Variants in TTC1 observed in about 807,000 individuals in gnomAD.
The protein encoded by TTC1 is tetratricopeptide repeat domain 1.
In TTC1, 31 loss-of-function variants were observed where a neutral mutation model predicts 37.6. The ratio of observed to expected loss-of-function variants is 0.82; its 90% confidence interval spans 0.62 to 1.11. The LOEUF (loss-of-function observed/expected upper bound fraction) is 1.11, where lower values mean the gene tolerates loss of function less well. Ranked by LOEUF, TTC1 falls within the 50% of genes most tolerant of loss-of-function variation. The probability of loss-of-function intolerance (pLI) is 0.00; values close to 1 mark genes in which losing one functional copy is unlikely to be tolerated. For missense variants in TTC1, 351 were observed against 339.0 expected, an observed-to-expected ratio of 1.04 and a Z score of -0.28; for synonymous variants, 127 against 122.4, an observed-to-expected ratio of 1.04 and a Z score of -0.25.
intron 4 of TTC1, among the ~76,000 whole-genome samples, chr5:160,040,434 A>T (rs60201018): frequency 0.081 from 12,377 of 152,174 alleles, 694 homozygotes; most frequent in Admixed American, 0.18. Flanking sequence ...CACTAAATTT[A>T]TTTTTTTAAT....
intron 2 of TTC1, among the ~76,000 whole-genome samples, chr5:160,027,623 A>G (rs1756830032): frequency 6.6e-6 from 1 of 152,208 alleles, no homozygotes; most frequent in South Asian, 2.1e-4. Context: ...CATTTCCTCC[A>G]GCCTGAAGGA....
rs763474239 is a variant in TTC1, at chr5:160,036,696, A to G, written c.397A>G (p.Ile133Val). The G allele has an allele frequency of 6.2e-6, 10 of 1,608,592 alleles. No individual in the cohort carries two copies. Among genetic ancestry groups the G allele is most frequent in the Middle Eastern group, 1.6e-4 (1 of 6,076 alleles). ...ATCCTTTCTCTTATCCTCAGATTAT[A>G]TAGAAGCTGAAAGTTCTTATAGTCG... is the stretch of plus-strand genomic sequence containing the variant. ...GNEQFKKGDY[I>V]EAESSYSRAL... The change falls in exon 4 of 8, where the codon ATA (isoleucine) becomes GTA (valine). Residue 133 changes from isoleucine (I) to valine (V), a missense_variant. Coordinates refer to ENST00000231238, the MANE Select transcript of TTC1 (RefSeq NM_003314.3).
intron 2 of TTC1, among the ~76,000 whole-genome samples, chr5:160,033,362 A>C (rs1017380961): frequency 3.3e-5 from 5 of 152,224 alleles, no homozygotes; most frequent in African/African-American, 1.2e-4. Context: ...GATTCACTCT[A>C]TACTTACCTT....
chr5:160,017,570 A>G (rs1756629596), intron 2 of TTC1, among the ~76,000 whole-genome samples: 1 of 152,210 alleles, frequency 6.6e-6, no homozygotes, highest in African/African-American at 2.4e-5. Flanking sequence ...GCAAGTGTTT[A>G]TAGTATTAGG....
At chr5:160,054,941 C>G (rs1383472863) in intron 7 of TTC1, among the ~76,000 whole-genome samples, 2 of 152,218 alleles carry the variant, frequency 1.3e-5, no homozygotes, top group Non-Finnish European at 2.9e-5. Context: ...CTGTAAGATA[C>G]TTAGGACAAA....
intron 7 of TTC1, among the ~76,000 whole-genome samples, chr5:160,053,551 G>A (rs1757465842): frequency 6.6e-6 from 1 of 152,124 alleles, no homozygotes; most frequent in South Asian, 2.1e-4. Context: ...GTGACAGAGT[G>A]AGACCTTGTC....
At position 160,010,450 on chromosome 5, in the gene TTC1, T is replaced by A. The variant is rs1756479327; in HGVS notation, c.-29-50T>A. On this transcript the variant is annotated intron_variant, in intron 1 of 7. Transcript: ENST00000231238. ...TTTGTTTAGGTTTGAAACAGAACTT[T>A]TAAAAATACAAGCACCATTATATAG... 12 of 1,301,844 alleles carry A rather than the reference T, an allele frequency of 9.2e-6. 1 individual carries two copies. The South Asian group carries it at 1.7e-4, about 19-fold the overall frequency. 80.6% of individuals were successfully genotyped at this position (1,301,844 alleles called of 1,614,324 possible). A position where few individuals can be genotyped will look rare whatever the true frequency, so the allele number is the denominator to read the frequency against.
At chr5:160,056,016 G>A (rs1757537525) in intron 7 of TTC1, among the ~76,000 whole-genome samples, 1 of 152,182 alleles carries the variant, frequency 6.6e-6, no homozygotes, top group Non-Finnish European at 1.5e-5. Context: ...CTTGCCCCAG[G>A]TGCTGGGTAG....
In TTC1 at chr5:160,065,433, A is replaced by C. The variant is rs762209105; in HGVS notation, c.*368A>C. 2.1e-6 allele frequency: 1 copy of C among 466,962 alleles called. No homozygotes were observed. Among genetic ancestry groups the C allele is most frequent in the Non-Finnish European group, 4.3e-6 (1 of 234,738 alleles). The allele number at this position is 466,962 out of a possible 1,614,324, so 28.9% of individuals were successfully genotyped here. ...CTGTTGGTTGGGAGACTGCCCAGAC[A>C]TGATTGATGACGGGTTCCCGCCTGC... On this transcript the variant is annotated 3_prime_UTR_variant, in exon 8 of 8. Transcript: ENST00000231238.
chr5:160,056,236 T>C (rs971743424), intron 7 of TTC1, among the ~76,000 whole-genome samples: 3 of 152,224 alleles, frequency 2.0e-5, no homozygotes, highest in African/African-American at 2.4e-5. Flanking sequence ...TGCTGCTCCC[T>C]GCCCTGGCCA....
At chr5:160,016,122 A>C (rs1041618768) in intron 2 of TTC1, among the ~76,000 whole-genome samples, 48 of 152,332 alleles carry the variant, frequency 3.2e-4, no homozygotes, top group Admixed American at 1.0e-3. Context: ...TCATGCCTAT[A>C]ATCCCAGCAC....
At chr5:160,043,332 G>C (rs1757134926) in intron 5 of TTC1, among the ~76,000 whole-genome samples, 163 bp downstream of exon 5, 1 of 152,210 alleles carries the variant, frequency 6.6e-6, no homozygotes, top group Non-Finnish European at 1.5e-5. Context: ...TAGAGTAACT[G>C]CTTTTGAATG....
At chr5:160,027,869 C>G (rs1381366707) in intron 2 of TTC1, among the ~76,000 whole-genome samples, 1 of 152,138 alleles carries the variant, frequency 6.6e-6, no homozygotes, top group East Asian at 1.9e-4. Context: ...TTGTGGCTTT[C>G]ACATTTTCTC....
chr5:160,045,457 CACACACA>C (rs1757193135), intron 5 of TTC1, among the ~76,000 whole-genome samples: 1 of 18,024 alleles, frequency 5.5e-5, no homozygotes, highest in Admixed American at 6.7e-4. Flanking sequence ...CCACCCTCCA[CACACACA>C]CACACACACA....
intron 5 of TTC1, among the ~76,000 whole-genome samples, chr5:160,047,347 C>T (rs1433365494): frequency 1.3e-5 from 2 of 152,128 alleles, no homozygotes; most frequent in Non-Finnish European, 2.9e-5. Context: ...TTGGAGTCAT[C>T]CCTGATTGTT....
chr5:160,025,569 A>G (rs1756787335), intron 2 of TTC1, among the ~76,000 whole-genome samples: 1 of 152,228 alleles, frequency 6.6e-6, no homozygotes, highest in Non-Finnish European at 1.5e-5. Context: ...CTAGTTCTTG[A>G]CACCAAGGGA....
intron 1 of TTC1, 105 bp from the exon 2 acceptor site, chr5:160,010,395 A>G: frequency 4.9e-6 from 3 of 613,490 alleles, no homozygotes; most frequent in Non-Finnish European, 8.4e-6. Context: ...AAAGGAAATT[A>G]CGGTGTGTTT....
chr5:160,029,844 A>G (rs1258003059), intron 2 of TTC1, among the ~76,000 whole-genome samples: 6 of 152,176 alleles, frequency 3.9e-5, no homozygotes, highest in Non-Finnish European at 8.8e-5. Context: ...TGGGCTAGGG[A>G]GGCTTGAACT....
intron 4 of TTC1, among the ~76,000 whole-genome samples, chr5:160,038,626 T>C (rs1273763884): frequency 6.6e-6 from 1 of 152,030 alleles, no homozygotes; most frequent in Non-Finnish European, 1.5e-5. Context: ...ATAGTTTTGT[T>C]GGTGAAGTTT....
Sources: gnomAD v4.1 joint callset for allele counts (sites outside exome capture counted in the v4.1 genomes callset) on GRCh38, gnomAD v4.1.1 for gene constraint, MANE v1.5 for transcripts, NCBI Gene and HGNC (gene_info 2026-07-23, HGNC 2026-07-21) for gene names.